The following ITGA9 variants were observed in gnomAD, a reference collection of about 807,000 sequenced individuals.
The protein encoded by ITGA9 is integrin subunit alpha 9.
ITGA9 carries 56 observed loss-of-function variants against 127.8 expected under a neutral mutation model. That is an observed-to-expected ratio of 0.44 (90% CI 0.35 to 0.55). The LOEUF (loss-of-function observed/expected upper bound fraction) is 0.55. ITGA9 is among the 20% of genes least tolerant of loss of function. The pLI is 0.00. For missense variants in ITGA9, 1,196 were observed against 1,347.1 expected, an observed-to-expected ratio of 0.89 and a Z score of 1.76; for synonymous variants, 508 against 514.5, an observed-to-expected ratio of 0.99 and a Z score of 0.17.
intron 11 of ITGA9, among the ~76,000 whole-genome samples, chr3:37,522,340 G>A (rs1171469669): frequency 6.6e-6 from 1 of 152,186 alleles, no homozygotes; most frequent in African/African-American, 2.4e-5. Context: ...CCACACGAAT[G>A]TTGATGCGCA....
intron 1 of ITGA9, among the ~76,000 whole-genome samples, chr3:37,460,668 C>T (rs537453866): frequency 1.7e-4 from 26 of 148,878 alleles, no homozygotes; most frequent in South Asian, 2.1e-4. Flanking sequence ...CGGCTCACTG[C>T]GAGCTCCACC....
intron 3 of ITGA9, among the ~76,000 whole-genome samples, chr3:37,480,982 A>G (rs1281270148): frequency 2.0e-5 from 3 of 152,110 alleles, no homozygotes; most frequent in Non-Finnish European, 2.9e-5. Context: ...AGCCATTCCT[A>G]CGTCCCCCTG....
intron 8 of ITGA9, among the ~76,000 whole-genome samples, chr3:37,510,649 C>T (rs1327054925): frequency 6.6e-6 from 1 of 152,164 alleles, no homozygotes; most frequent in Non-Finnish European, 1.5e-5. Context: ...CAGGTTCAGG[C>T]CTGAATGTCT....
chr3:37,806,189 G>A lies in ITGA9; in HGVS notation c.3009+2247G>A, dbSNP rs994943650. 1.3e-5 allele frequency: 2 copies of A among 152,164 alleles called. No individual in the cohort carries two copies. The highest frequency in any genetic ancestry group is 2.9e-5 in the Non-Finnish European group (2 of 68,038). 9.4% of individuals were successfully genotyped at this position (152,164 alleles called of 1,614,324 possible). On this transcript the variant is annotated intron_variant, in intron 27 of 27. Transcript: ENST00000264741. This position sits in a 1 kb window ranked among gnomAD's most constrained non-coding sequence, Gnocchi z 4.3. Reference sequence around the variant, plus strand: ...CTCCTTCCTGCTGAGACAGCCTCTGGTTTGTGGGTGGAGAACAAAGCCTGC... The same window carrying A: ...CTCCTTCCTGCTGAGACAGCCTCTGATTTGTGGGTGGAGAACAAAGCCTGC...
intron 24 of ITGA9, 93 bp downstream of exon 24, chr3:37,777,610 G>A: frequency 6.9e-7 from 1 of 1,447,804 alleles, no homozygotes; most frequent in African/African-American, 1.4e-5. Flanking sequence ...CCTAAATCTG[G>A]TTTTAATCAA....
rs1222369686 is a variant in ITGA9 at position 37,629,062 on chromosome 3, C to T, written c.1690-125C>T. On this transcript the variant is annotated intron_variant, in intron 15 of 27. Coordinates refer to ENST00000264741, the MANE Select transcript of ITGA9 (RefSeq NM_002207.3). This position sits in a 1 kb window ranked among gnomAD's most constrained non-coding sequence, Gnocchi z 4.5. ...AAATATGAAAGTCATAAAACCCTACCTCACGAGGGTGATTGTGAGGATTAT... is the reference window on the plus strand; with the variant it reads ...AAATATGAAAGTCATAAAACCCTACTTCACGAGGGTGATTGTGAGGATTAT... 4 of 1,128,910 alleles carry T rather than the reference C, an allele frequency of 3.5e-6. No homozygotes were observed. In the African/African-American group the frequency reaches 6.1e-5, roughly 17 times the overall value. 69.9% of individuals were successfully genotyped at this position (1,128,910 alleles called of 1,614,324 possible).
At chr3:37,614,532 T>A (rs1253544142) in intron 15 of ITGA9, among the ~76,000 whole-genome samples, 1 of 151,020 alleles carries the variant, frequency 6.6e-6, no homozygotes, top group Non-Finnish European at 1.5e-5. Context: ...GGGGATGGCA[T>A]TGAATCTATA....
At chr3:37,780,861 T>G (rs1003974606) in intron 25 of ITGA9, among the ~76,000 whole-genome samples, 1 of 152,176 alleles carries the variant, frequency 6.6e-6, no homozygotes, top group African/African-American at 2.4e-5. Context: ...TGTTGAACTG[T>G]TTAGTAATAG....
At chr3:37,729,640 C>T (rs1696261626) in intron 18 of ITGA9, among the ~76,000 whole-genome samples, 1 of 150,314 alleles carries the variant, frequency 6.7e-6, no homozygotes, top group Non-Finnish European at 1.5e-5. Flanking sequence ...TTTTTGAAGA[C>T]ATTTATTTCA....
At chr3:37,743,662 A>C (rs1296537190) in intron 21 of ITGA9, among the ~76,000 whole-genome samples, 1 of 152,252 alleles carries the variant, frequency 6.6e-6, no homozygotes, top group African/African-American at 2.4e-5. Flanking sequence ...AAAAAGTCAA[A>C]GCTATGATAA....
intron 23 of ITGA9, among the ~76,000 whole-genome samples, chr3:37,773,479 C>T (rs760728516): frequency 1.4e-4 from 22 of 152,182 alleles, no homozygotes; most frequent in Admixed American, 1.0e-3. Flanking sequence ...GATTCTCAAA[C>T]GCCCAATAAA....
intron 3 of ITGA9, among the ~76,000 whole-genome samples, chr3:37,480,441 C>G (rs1698541239): frequency 6.6e-6 from 1 of 152,204 alleles, no homozygotes; most frequent in Non-Finnish European, 1.5e-5. Context: ...GGCCATGAAC[C>G]TTCCTTCAGC....
intron 15 of ITGA9, among the ~76,000 whole-genome samples, chr3:37,545,109 C>T (rs752743581): frequency 7.9e-5 from 12 of 152,158 alleles, no homozygotes; most frequent in Non-Finnish European, 1.8e-4. Flanking sequence ...AGCCGGGCCA[C>T]CTCCTGGAGC....
chr3:37,788,661 G>A (rs1231605548), intron 26 of ITGA9, among the ~76,000 whole-genome samples: 3 of 152,084 alleles, frequency 2.0e-5, no homozygotes, highest in African/African-American at 4.8e-5. Context: ...GCTAATAAGT[G>A]TGCTAAAATG....
chr3:37,734,274 G>GAGATAA (rs1463183993), intron 19 of ITGA9, among the ~76,000 whole-genome samples: 2 of 152,208 alleles, frequency 1.3e-5, no homozygotes, highest in Non-Finnish European at 2.9e-5. Flanking sequence ...GGTGAGGGTG[G>GAGATAA]AGATAAAGGA....
intron 11 of ITGA9, among the ~76,000 whole-genome samples, chr3:37,520,279 G>A (rs1448263349): frequency 6.6e-6 from 1 of 152,152 alleles, no homozygotes; most frequent in East Asian, 1.9e-4. Flanking sequence ...ACCTGCAGGA[G>A]ACAGGGCTTT....
At chr3:37,715,724 T>A (rs1044522159) in intron 18 of ITGA9, among the ~76,000 whole-genome samples, 3 of 152,228 alleles carry the variant, frequency 2.0e-5, no homozygotes, top group Non-Finnish European at 2.9e-5. Context: ...GCTGCCCCAT[T>A]GAAGCATGAG....
At chr3:37,614,076 T>A (rs1028667380) in intron 15 of ITGA9, among the ~76,000 whole-genome samples, 1 of 152,242 alleles carries the variant, frequency 6.6e-6, no homozygotes, top group African/African-American at 2.4e-5. Flanking sequence ...TAGGTTTTCT[T>A]CTAGGGTTTT....
chr3:37,689,505 CG>C (rs1700811512), intron 18 of ITGA9, among the ~76,000 whole-genome samples: 1 of 152,190 alleles, frequency 6.6e-6, no homozygotes, highest in South Asian at 2.1e-4. Context: ...TGTTGCCTGC[CG>C]GGCAAGGAAC....
Sources: allele counts gnomAD v4.1 joint callset (sites outside exome capture counted in the v4.1 genomes callset), GRCh38; gene constraint gnomAD v4.1.1; non-coding constraint Gnocchi (gnomAD v3.1); transcripts MANE v1.5; gene names NCBI Gene and HGNC (gene_info 2026-07-23, HGNC 2026-07-21).